NOL4: variants seen among roughly 807,000 people sequenced by gnomAD.
NOL4 encodes the protein nucleolar protein 4, also known as cancer/testis antigen 125.
NOL4 carries 17 observed loss-of-function variants against 75.9 expected under a neutral mutation model. That is an observed-to-expected ratio of 0.22 (90% CI 0.15 to 0.34). The LOEUF (loss-of-function observed/expected upper bound fraction) is 0.34, where lower values mean the gene tolerates loss of function less well. NOL4 is among the 10% of genes least tolerant of loss of function. The pLI, the probability that NOL4 is intolerant of heterozygous loss-of-function variation, is 1.00. For missense variants in NOL4, 614 were observed against 793.5 expected (o/e 0.77, Z 2.72); for synonymous variants, 292 against 289.9 (o/e 1.01, Z -0.07).
chr18:34,019,303 G>A lies in NOL4; in HGVS notation c.1056+15C>T, dbSNP rs769502646. The A allele has an allele frequency of 4.4e-6, 7 of 1,605,068 alleles. No individual in the cohort carries two copies. The highest frequency in any genetic ancestry group is 6.0e-6 in the Non-Finnish European group (7 of 1,173,576). ...GACCAACTCAAAAATTCTGGAAATT[G>A]TAATGTGATCATACCTTGCTTCCAT... is the stretch of plus-strand genomic sequence containing the variant. On this transcript the variant is annotated intron_variant, in intron 6 of 10. Transcript: ENST00000261592.
intron 9 of NOL4, among the ~76,000 whole-genome samples, chr18:33,935,839 G>A (rs1230292282): frequency 2.0e-5 from 3 of 152,068 alleles, no homozygotes; most frequent in African/African-American, 7.2e-5. Context: ...AGCACATTGA[G>A]AAACTCAAAG....
rs192648581 is a variant in NOL4, at chr18:33,932,795, T to G, written c.1542+10270A>C. Among the ~76,000 whole-genome samples, 49 of 152,188 alleles carry G rather than the reference T, an allele frequency of 3.2e-4. No homozygotes were observed. The East Asian group carries it at 9.5e-3, about 29-fold the overall frequency. On this transcript the variant is annotated intron_variant, in intron 9 of 10. Coordinates refer to ENST00000261592, the MANE Select transcript of NOL4 (RefSeq NM_003787.5). ...AATTCTGTGACCTGGAGAAATTTTT[T>G]CAACTTTTCTGAGCCCCAATTTCTA...
chr18:34,210,935 AG>A (rs2036469268), intron 1 of NOL4, among the ~76,000 whole-genome samples: 1 of 152,118 alleles, frequency 6.6e-6, no homozygotes. Context: ...TTTAAGAAAA[AG>A]TTTTTTCTTG....
chr18:34,122,622 C>T (rs2080196366), intron 2 of NOL4, among the ~76,000 whole-genome samples: 1 of 152,084 alleles, frequency 6.6e-6, no homozygotes, highest in African/African-American at 2.4e-5. Flanking sequence ...ATGCCAACAT[C>T]ACACATGTAG....
At chr18:34,168,075 G>T (rs539237005) in intron 1 of NOL4, among the ~76,000 whole-genome samples, 15 of 151,786 alleles carry the variant, frequency 9.9e-5, no homozygotes, top group Non-Finnish European at 2.1e-4. Context: ...GATAATGAAA[G>T]AATTTTCTAT....
At chr18:34,213,835 G>C (rs1348531999) in intron 1 of NOL4, among the ~76,000 whole-genome samples, 1 of 152,130 alleles carries the variant, frequency 6.6e-6, no homozygotes, top group African/African-American at 2.4e-5. Flanking sequence ...TAAAATCAAA[G>C]AAGTATAATT....
chr18:33,944,633 T>C lies in NOL4; in HGVS notation c.1429-1455A>G, dbSNP rs141678376. Among the ~76,000 whole-genome samples the C allele has an allele frequency of 2.4e-4, 36 of 151,894 alleles. No individual in the cohort carries two copies. The East Asian group carries it at 6.4e-3, about 27-fold the overall frequency. ...CAATAAAGCAGTTGGATATTTGGAA[T>C]GTCATTTTTGCAAAAAAGAAGAAAA... is the stretch of plus-strand genomic sequence containing the variant. On this transcript the variant is annotated intron_variant, in intron 8 of 10. Transcript: ENST00000261592.
chr18:34,033,596 G>A (rs2075747126), intron 5 of NOL4, among the ~76,000 whole-genome samples: 1 of 151,988 alleles, frequency 6.6e-6, no homozygotes, highest in African/African-American at 2.4e-5. Context: ...GTCCCATAAA[G>A]CAAAGAGAAA....
chr18:34,208,812 A>C (rs2146541120), intron 1 of NOL4, among the ~76,000 whole-genome samples: 1 of 152,152 alleles, frequency 6.6e-6, no homozygotes, highest in Middle Eastern at 3.4e-3. Context: ...CAGTAAGCCG[A>C]GATTGCGCCA....
intron 1 of NOL4, among the ~76,000 whole-genome samples, chr18:34,200,835 G>A (rs1439137281): frequency 1.3e-5 from 2 of 151,642 alleles, no homozygotes; most frequent in Admixed American, 6.6e-5. Context: ...AGTTCCATGT[G>A]GCAAGAAGAG....
intron 9 of NOL4, among the ~76,000 whole-genome samples, chr18:33,913,953 C>T (rs1181476735): frequency 6.6e-6 from 1 of 151,988 alleles, no homozygotes; most frequent in Non-Finnish European, 1.5e-5. Context: ...ATGTAATGCC[C>T]ACTGTGTGCT....
intron 9 of NOL4, among the ~76,000 whole-genome samples, chr18:33,925,765 T>A (rs533010335): frequency 7.9e-4 from 120 of 152,194 alleles, no homozygotes; most frequent in African/African-American, 2.8e-3. Flanking sequence ...AAATTCTGTT[T>A]CCAGTGGCAT....
intron 5 of NOL4, among the ~76,000 whole-genome samples, chr18:34,035,729 T>C (rs1240660491): frequency 6.6e-6 from 1 of 151,760 alleles, no homozygotes; most frequent in Non-Finnish European, 1.5e-5. Flanking sequence ...TAATAATTAT[T>C]AGACTAACCA....
At chr18:34,189,659 C>T (rs1479197653) in intron 1 of NOL4, among the ~76,000 whole-genome samples, 1 of 152,048 alleles carries the variant, frequency 6.6e-6, no homozygotes, top group Non-Finnish European at 1.5e-5. Context: ...CTATATTCCA[C>T]CTGGTATATT....
intron 9 of NOL4, among the ~76,000 whole-genome samples, chr18:33,894,117 A>C (rs912815759): frequency 6.6e-6 from 1 of 152,088 alleles, no homozygotes; most frequent in African/African-American, 2.4e-5. Flanking sequence ...AAACAGCTCT[A>C]CCTTCTAAAA....
At chr18:34,019,077 C>T (rs535445921) in intron 6 of NOL4, among the ~76,000 whole-genome samples, 1 of 152,214 alleles carries the variant, frequency 6.6e-6, no homozygotes, top group Admixed American at 6.5e-5. Context: ...AACATTAACT[C>T]AAGTGATTCT....
intron 10 of NOL4, among the ~76,000 whole-genome samples, chr18:33,857,387 A>ACAGTATTGGC (rs2062884697): frequency 6.6e-6 from 1 of 151,990 alleles, no homozygotes; most frequent in Non-Finnish European, 1.5e-5. Context: ...TGTGATTCAA[A>ACAGTATTGGC]CAGTATTGGC....
intron 6 of NOL4, among the ~76,000 whole-genome samples, chr18:34,007,616 C>T (rs1788091862): frequency 6.6e-6 from 1 of 151,838 alleles, no homozygotes; most frequent in Non-Finnish European, 1.5e-5. Flanking sequence ...TCTTTCCTGT[C>T]TTATTTCCTT....
At chr18:34,024,023 A>C (rs2075189468) in intron 5 of NOL4, among the ~76,000 whole-genome samples, 1 of 151,316 alleles carries the variant, frequency 6.6e-6, no homozygotes, top group Non-Finnish European at 1.5e-5. Flanking sequence ...GAATTGGCCT[A>C]AAATATTATG....
Sources: gnomAD v4.1 joint callset for allele counts (sites outside exome capture counted in the v4.1 genomes callset) on GRCh38, gnomAD v4.1.1 for gene constraint, MANE v1.5 for transcripts, NCBI Gene and HGNC (gene_info 2026-07-23, HGNC 2026-07-21) for gene names.